AHI1: variants seen among roughly 807,000 people sequenced by gnomAD.
The protein encoded by AHI1 is jouberin.
A neutral mutation model predicts 149.3 loss-of-function variants in AHI1; 123 were observed. The observed-to-expected ratio is 0.82, with a 90% CI of 0.71 to 0.96. The LOEUF is 0.96. AHI1 is among the 40% of genes least tolerant of loss of function. The pLI, the probability that AHI1 is intolerant of heterozygous loss-of-function variation, is 0.00. For synonymous variants in AHI1, 475 were observed against 459.8 expected (o/e 1.03, Z -0.42); for missense variants, 1,439 against 1,422.7 (o/e 1.01, Z -0.18).
At chr6:135,297,310 A>C (rs1288387235) in intron 27 of AHI1, 2 of 384,614 alleles carry the variant, frequency 5.2e-6, no homozygotes, top group Non-Finnish European at 1.0e-5. Context: ...CCAAGACACT[A>C]ATCAGTCAGT....
chr6:135,478,219 G>C (rs1401193348), intron 5 of AHI1, among the ~76,000 whole-genome samples: 1 of 152,200 alleles, frequency 6.6e-6, no homozygotes, highest in Non-Finnish European at 1.5e-5. Flanking sequence ...CTGGGTAACA[G>C]GCAAAAGTTG....
intron 11 of AHI1, among the ~76,000 whole-genome samples, chr6:135,450,142 T>G (rs191980620): frequency 6.6e-6 from 1 of 151,928 alleles, no homozygotes; most frequent in African/African-American, 2.4e-5. Context: ...ATTAAGGAGG[T>G]AGGTAGAAGA....
chr6:135,303,704 A>G (rs1020691293), intron 26 of AHI1, among the ~76,000 whole-genome samples: 2 of 152,182 alleles, frequency 1.3e-5, no homozygotes, highest in Non-Finnish European at 2.9e-5. Context: ...GTGTTTTTCA[A>G]ACTGATTTAA....
chr6:135,385,901 C>G (rs1777509593), intron 23 of AHI1, among the ~76,000 whole-genome samples: 1 of 152,168 alleles, frequency 6.6e-6, no homozygotes, highest in African/African-American at 2.4e-5. Context: ...TTAACTTACC[C>G]CAGACACATA....
chr6:135,402,857 G>A (rs1780216161), intron 22 of AHI1, among the ~76,000 whole-genome samples: 1 of 152,036 alleles, frequency 6.6e-6, no homozygotes, highest in Non-Finnish European at 1.5e-5. Context: ...TACATTATCA[G>A]TAAGGCTTCC....
chr6:135,285,398 T>C lies in AHI1; in HGVS notation c.*247A>G. 1.8e-6 allele frequency: 1 copy of C among 552,654 alleles called. No homozygotes were observed. The highest frequency in any genetic ancestry group is 2.4e-5 in the South Asian group (1 of 41,122). 34.2% of individuals were successfully genotyped at this position (552,654 alleles called of 1,614,324 possible). A position where few individuals can be genotyped will look rare whatever the true frequency, so the allele number is the denominator to read the frequency against. ...GTAATTATGATGCAATTACTAACAA[T>C]ATAAGTACCAATACTTTGACCAACA... On this transcript the variant is annotated 3_prime_UTR_variant, in exon 29 of 29. Coordinates refer to ENST00000265602, the MANE Select transcript of AHI1 (RefSeq NM_001134831.2).
rs1554228620 is a variant in AHI1 at position 135,490,661 on chromosome 6, G to GC, written c.96_97insG (p.Leu33AlafsTer9). Reference sequence around the variant, plus strand: ...TCAGACCTGACAAGTTTTTTCTTCAGTTTTTTCTTTTCACGCATTAGATCA... The same window carrying GC: ...TCAGACCTGACAAGTTTTTTCTTCAGCTTTTTTCTTTTCACGCATTAGATCA... On this transcript the variant is annotated frameshift_variant, in exon 5 of 29. Coordinates refer to ENST00000265602, the MANE Select transcript of AHI1 (RefSeq NM_001134831.2). LOFTEE classifies it high-confidence loss of function. 1 of 1,613,534 alleles carries GC rather than the reference G, an allele frequency of 6.2e-7. No individual in the cohort carries two copies. Among genetic ancestry groups the GC allele is most frequent in the South Asian group, 1.1e-5 (1 of 91,046 alleles).
intron 22 of AHI1, among the ~76,000 whole-genome samples, chr6:135,396,806 C>T (rs1470563125): frequency 6.6e-6 from 1 of 151,664 alleles, no homozygotes; most frequent in Non-Finnish European, 1.5e-5. Flanking sequence ...TATACACACA[C>T]ATCTTTGCAC....
intron 20 of AHI1, among the ~76,000 whole-genome samples, chr6:135,418,806 T>G (rs544008946): frequency 5.9e-5 from 9 of 152,104 alleles, no homozygotes; most frequent in Non-Finnish European, 1.3e-4. Context: ...GATACCTAAT[T>G]TCTTTAGCTA....
intron 10 of AHI1, among the ~76,000 whole-genome samples, chr6:135,454,009 T>C (rs901231815): frequency 1.3e-5 from 2 of 152,190 alleles, no homozygotes; most frequent in Admixed American, 1.3e-4. Flanking sequence ...TACTGGTGCT[T>C]ATTAAAAGCT....
At chr6:135,314,629 G>A (rs946449565) in intron 26 of AHI1, among the ~76,000 whole-genome samples, 3 of 151,998 alleles carry the variant, frequency 2.0e-5, no homozygotes, top group Non-Finnish European at 4.4e-5. Flanking sequence ...ATATATCCTT[G>A]CTTATTTGAA....
chr6:135,333,280 C>T (rs908796559), intron 24 of AHI1, among the ~76,000 whole-genome samples: 3 of 152,060 alleles, frequency 2.0e-5, no homozygotes, highest in Admixed American at 6.5e-5. Flanking sequence ...CCAAATTTAA[C>T]AATAAATCCT....
At chr6:135,412,290 C>T (rs1179651103) in intron 20 of AHI1, among the ~76,000 whole-genome samples, 1 of 152,148 alleles carries the variant, frequency 6.6e-6, no homozygotes, top group Non-Finnish European at 1.5e-5. Context: ...AAGATGTCCA[C>T]AGATTATATG....
intron 23 of AHI1, among the ~76,000 whole-genome samples, chr6:135,370,846 T>G (rs993415111): frequency 6.6e-6 from 1 of 152,178 alleles, no homozygotes; most frequent in Non-Finnish European, 1.5e-5. Flanking sequence ...TACTCCTTTT[T>G]TTTCTTGCCT....
chr6:135,482,027 GA>G (rs1283472487), intron 5 of AHI1, among the ~76,000 whole-genome samples: 1 of 151,780 alleles, frequency 6.6e-6, no homozygotes, highest in African/African-American at 2.4e-5. Context: ...TTCATTTTCA[GA>G]AACTGTAGTA....
chr6:135,314,656 G>T (rs759808578), intron 26 of AHI1, among the ~76,000 whole-genome samples: 4 of 152,080 alleles, frequency 2.6e-5, no homozygotes, highest in Non-Finnish European at 5.9e-5. Context: ...GTTTTACCAA[G>T]AAACCATTTT....
At chr6:135,314,732 G>A (rs984134429) in intron 26 of AHI1, among the ~76,000 whole-genome samples, 1 of 152,140 alleles carries the variant, frequency 6.6e-6, no homozygotes, top group South Asian at 2.1e-4. Context: ...CATGAACCAT[G>A]AGAGCCGGGA....
intron 5 of AHI1, among the ~76,000 whole-genome samples, chr6:135,474,039 A>C (rs1792186312): frequency 6.6e-6 from 1 of 152,206 alleles, no homozygotes; most frequent in South Asian, 2.1e-4. Flanking sequence ...CTTTATTACA[A>C]AATGGGCTTG....
At chr6:135,467,701 T>C in intron 5 of AHI1, 67 bp from the exon 6 acceptor site, 1 of 1,156,318 alleles carries the variant, frequency 8.6e-7, no homozygotes, top group Non-Finnish European at 1.2e-6. Context: ...AAACCAATAA[T>C]TAATGTTCAA....
Sources: allele counts gnomAD v4.1 joint callset (sites outside exome capture counted in the v4.1 genomes callset), GRCh38; gene constraint gnomAD v4.1.1; transcripts MANE v1.5; gene names NCBI Gene and HGNC (gene_info 2026-07-23, HGNC 2026-07-21).